The following CEP128 variants were observed in gnomAD, a reference collection of about 807,000 sequenced individuals.
The protein encoded by CEP128 is centrosomal protein 128kDa.
CEP128 carries 132 observed loss-of-function variants against 156.7 expected under a neutral mutation model. The ratio of observed to expected loss-of-function variants is 0.84; its 90% CI spans 0.73 to 0.97. The LOEUF (loss-of-function observed/expected upper bound fraction) is 0.97. CEP128 is among the 50% of genes least tolerant of loss of function. CEP128 has a pLI of 0.00. For synonymous variants in CEP128, 469 were observed against 448.9 expected (o/e 1.04, Z -0.57); for missense variants, 1,252 against 1,281.9 (o/e 0.98, Z 0.36).
At position 80,785,418 on chromosome 14, in the gene CEP128, T is replaced by C. The variant is rs372806789; in HGVS notation, c.1688A>G (p.Lys563Arg). ...CTTAATATCACGTAATTTCTCCTCC[T>C]TGGAGTGAAGCTCCTCCTCCTGAAG... Reference protein sequence around the residue: ...RALQEEELHSKEEKLRDIKSH... With the variant: ...RALQEEELHSREEKLRDIKSH... The change falls in exon 15 of 25, where the codon AAG (lysine) becomes AGG (arginine). Residue 563 changes from lysine to arginine, a missense_variant. Coordinates refer to ENST00000555265, the MANE Select transcript of CEP128 (RefSeq NM_152446.5). 1 of 1,614,106 alleles carries C rather than the reference T, an allele frequency of 6.2e-7. No homozygotes were observed. Among genetic ancestry groups the C allele is most frequent in the South Asian group, 1.1e-5 (1 of 91,082 alleles).
Position 80,785,212 on chromosome 14 carries a change from CAAG to C in CEP128, c.1891_1893del (p.Leu631del), listed in dbSNP as rs1232966672. On this transcript the variant is annotated inframe_deletion, in exon 15 of 25. Transcript: ENST00000555265. ...AGGTCCTTGATGGACTCTTGCATCT[CAAG>C]AAGTTTAGCTTTGTCCTGGGCCTGG... 1.2e-6 allele frequency: 2 copies of C among 1,614,092 alleles called. No homozygotes were observed. The highest frequency in any genetic ancestry group is 1.7e-5 in the Admixed American group (1 of 60,004).
At chr14:80,482,261 T>G (rs988294964) in intron 14 of CEP128, among the ~76,000 whole-genome samples, 1 of 152,266 alleles carries the variant, frequency 6.6e-6, no homozygotes, top group African/African-American at 2.4e-5. Context: ...TGTCTTTTCC[T>G]ATGTTTAGTA....
At chr14:80,908,498 TTTATC>T (rs773283620) in intron 4 of CEP128, among the ~76,000 whole-genome samples, 12 of 152,340 alleles carry the variant, frequency 7.9e-5, no homozygotes, top group African/African-American at 2.9e-4. Context: ...TGGTTATTTA[TTTATC>T]TTATTTTTCA....
chr14:80,602,172 A>T (rs1320712494), intron 19 of CEP128, among the ~76,000 whole-genome samples: 2 of 152,238 alleles, frequency 1.3e-5, no homozygotes, highest in Non-Finnish European at 2.9e-5. Context: ...GCAAATAACA[A>T]CAGAGTCTCA....
chr14:80,702,898 C>A (rs1342796186), intron 19 of CEP128, among the ~76,000 whole-genome samples: 2 of 152,102 alleles, frequency 1.3e-5, no homozygotes, highest in African/African-American at 2.4e-5. Flanking sequence ...AAACACTAAA[C>A]AAAATACCTA....
At chr14:80,930,414 GC>G (rs1393464899) in intron 2 of CEP128, among the ~76,000 whole-genome samples, 2 of 152,126 alleles carry the variant, frequency 1.3e-5, no homozygotes, top group Admixed American at 6.6e-5. Flanking sequence ...GTTTTGGTAA[GC>G]CCGCAAGCTA....
chr14:80,722,983 C>T (rs1383611592), intron 19 of CEP128, among the ~76,000 whole-genome samples: 2 of 151,978 alleles, frequency 1.3e-5, no homozygotes, highest in African/African-American at 2.4e-5. Flanking sequence ...CCCGCCACCA[C>T]ACCTGGCTAA....
intron 19 of CEP128, among the ~76,000 whole-genome samples, chr14:80,638,764 C>T (rs758269367): frequency 2.0e-5 from 3 of 152,068 alleles, no homozygotes; most frequent in Non-Finnish European, 2.9e-5. Flanking sequence ...CTTTCTATTG[C>T]CATCAGTTGA....
chr14:80,909,692 A>G (rs1884095192), intron 4 of CEP128, among the ~76,000 whole-genome samples: 2 of 152,048 alleles, frequency 1.3e-5, no homozygotes, highest in South Asian at 4.1e-4. Context: ...AAAACTAAAA[A>G]TGTAATAGAA....
At chr14:80,768,469 C>A (rs1290420541) in intron 16 of CEP128, among the ~76,000 whole-genome samples, 1 of 152,144 alleles carries the variant, frequency 6.6e-6, no homozygotes, top group Non-Finnish European at 1.5e-5. Flanking sequence ...GTTTCTAAAA[C>A]AAAAATGCTA....
At chr14:80,769,959 G>C (rs1470064147) in intron 16 of CEP128, among the ~76,000 whole-genome samples, 1 of 152,110 alleles carries the variant, frequency 6.6e-6, no homozygotes, top group East Asian at 1.9e-4. Flanking sequence ...TATTCCATCG[G>C]CTTTTTTCAC....
At chr14:80,792,629 C>T in intron 14 of CEP128, 131 bp downstream of exon 14, 1 of 707,564 alleles carries the variant, frequency 1.4e-6, no homozygotes, top group African/African-American at 1.8e-5. Flanking sequence ...ACAGCCAAGA[C>T]ATAAGGATTC....
At chr14:80,813,561 A>G (rs1392260360) in intron 13 of CEP128, among the ~76,000 whole-genome samples, 1 of 152,148 alleles carries the variant, frequency 6.6e-6, no homozygotes, top group Non-Finnish European at 1.5e-5. Context: ...ATGAGCTTGG[A>G]AAGTATATAT....
In CEP128 at chr14:80,592,609, A is replaced by G. The variant is rs1595058246; in HGVS notation, c.2807-12186T>C. On this transcript the variant is annotated intron_variant, in intron 19 of 24. Coordinates refer to ENST00000555265, the MANE Select transcript of CEP128 (RefSeq NM_152446.5). ...GTACCATTCCTTCTGAAACTATTCC[A>G]AACAATAGAAAAAGAGGGAATCCTC... is the stretch of plus-strand genomic sequence containing the variant. Among the ~76,000 whole-genome samples the G allele has an allele frequency of 1.3e-5, 2 of 152,344 alleles. 1 individual carries two copies. The highest frequency in any genetic ancestry group is 4.8e-5 in the African/African-American group (2 of 41,576).
At position 80,952,750 on chromosome 14, in the gene CEP128, C is replaced by G. The variant is rs1003553385; in HGVS notation, c.-172+5428G>C. Among the ~76,000 whole-genome samples, 4 of 151,440 alleles carry G rather than the reference C, an allele frequency of 2.6e-5. No individual in the cohort carries two copies. In the South Asian group the frequency reaches 8.3e-4, roughly 32 times the overall value. On this transcript the variant is annotated intron_variant, in intron 2 of 7. Transcript: ENST00000555529. Reference sequence around the variant, plus strand: ...TGAGAATATGAATAAAATTGATAACCCTCTGGATAAAGTACTTAGGTGAAA... The same window carrying G: ...TGAGAATATGAATAAAATTGATAACGCTCTGGATAAAGTACTTAGGTGAAA...
At chr14:80,575,221 A>G (rs1163641576) in intron 20 of CEP128, among the ~76,000 whole-genome samples, 1 of 151,558 alleles carries the variant, frequency 6.6e-6, no homozygotes, top group Non-Finnish European at 1.5e-5. Context: ...ATTGAAAAGG[A>G]TTCAGTTCAT....
intron 19 of CEP128, among the ~76,000 whole-genome samples, chr14:80,630,180 C>T (rs544701616): frequency 1.3e-5 from 2 of 152,040 alleles, no homozygotes; most frequent in East Asian, 3.9e-4. Flanking sequence ...AATCAACTAT[C>T]ACTGAAATAT....
chr14:80,936,745 A>G (rs1885829832), intron 2 of CEP128, among the ~76,000 whole-genome samples: 1 of 152,244 alleles, frequency 6.6e-6, no homozygotes, highest in Non-Finnish European at 1.5e-5. Context: ...ACATAAGCAG[A>G]CAATTCACAG....
intron 13 of CEP128, among the ~76,000 whole-genome samples, chr14:80,810,598 C>G (rs990752372): frequency 5.3e-5 from 8 of 151,778 alleles, no homozygotes; most frequent in African/African-American, 1.9e-4. Context: ...CTGTAGTTTT[C>G]TTTTTAGGTT....
Sources: allele counts gnomAD v4.1 joint callset (sites outside exome capture counted in the v4.1 genomes callset), GRCh38; gene constraint gnomAD v4.1.1; transcripts MANE v1.5; gene names NCBI Gene and HGNC (gene_info 2026-07-23, HGNC 2026-07-21).